CTNNA3: variants seen among roughly 807,000 people sequenced by gnomAD.
CTNNA3 encodes the protein catenin alpha-3.
CTNNA3 carries 76 observed loss-of-function variants against 95.7 expected under a neutral mutation model. The observed-to-expected ratio is 0.79, with a 90% CI of 0.66 to 0.96. CTNNA3 has a LOEUF of 0.96. CTNNA3 is among the 40% of genes least tolerant of loss of function. CTNNA3 has a pLI of 0.00. For missense variants in CTNNA3, 1,191 were observed against 1,089.8 expected, an observed-to-expected ratio of 1.09 and a Z score of -1.31; for synonymous variants, 431 against 374.4, an observed-to-expected ratio of 1.15 and a Z score of -1.74.
chr10:66,534,677 A>AAT (rs1056908712), intron 10 of CTNNA3, among the ~76,000 whole-genome samples: 3 of 149,978 alleles, frequency 2.0e-5, no homozygotes, highest in Non-Finnish European at 4.4e-5. Context: ...TCAAATTGGT[A>AAT]ATATATAAAA....
In CTNNA3 at chr10:67,678,186, G is replaced by A. The variant is rs527874294; in HGVS notation, c.-6+17814C>T. ...GAAGACACTTTCTTAAAGATGTAAGGGAAAATTATCACCAAGACAAAAGAA... is the reference window on the plus strand; with the variant it reads ...GAAGACACTTTCTTAAAGATGTAAGAGAAAATTATCACCAAGACAAAAGAA... On this transcript the variant is annotated intron_variant, in intron 1 of 17. Coordinates refer to ENST00000433211, the MANE Select transcript of CTNNA3 (RefSeq NM_013266.4). 1.6e-4 allele frequency among the ~76,000 whole-genome samples: 25 copies of A among 152,032 alleles called. 1 individual carries two copies. The highest frequency in any genetic ancestry group is 3.7e-4 in the Non-Finnish European group (25 of 67,952).
chr10:66,096,016 G>A (rs996883557), intron 14 of CTNNA3, among the ~76,000 whole-genome samples: 4 of 152,092 alleles, frequency 2.6e-5, no homozygotes, highest in East Asian at 1.9e-4. Context: ...GACAAATAAT[G>A]TATCTTTAAA....
chr10:66,325,758 T>C (rs1300951317), intron 12 of CTNNA3, among the ~76,000 whole-genome samples: 1 of 150,622 alleles, frequency 6.6e-6, no homozygotes, highest in Non-Finnish European at 1.5e-5. Flanking sequence ...TTAGAAACAT[T>C]AAATCTAGGA....
intron 10 of CTNNA3, among the ~76,000 whole-genome samples, chr10:66,587,907 T>C (rs775687826): frequency 6.6e-6 from 1 of 152,160 alleles, no homozygotes; most frequent in Non-Finnish European, 1.5e-5. Context: ...CCCATGGCTA[T>C]AGCAAACTTA....
chr10:65,952,011 C>A (rs1350099802), intron 17 of CTNNA3, among the ~76,000 whole-genome samples: 1 of 123,442 alleles, frequency 8.1e-6, no homozygotes, highest in African/African-American at 3.3e-5. Context: ...GACCGGGCGA[C>A]AGAGCGAGGC....
chr10:66,816,072 C>A (rs1433453619), intron 7 of CTNNA3, among the ~76,000 whole-genome samples: 1 of 152,130 alleles, frequency 6.6e-6, no homozygotes, highest in Non-Finnish European at 1.5e-5. Context: ...GAAAATGAAT[C>A]TATAGAGGAG....
intron 9 of CTNNA3, among the ~76,000 whole-genome samples, chr10:66,709,430 A>T (rs1848220227): frequency 6.6e-6 from 1 of 152,116 alleles, no homozygotes; most frequent in South Asian, 2.1e-4. Context: ...AAATGGAAGC[A>T]TAAAGGTCGT....
At chr10:66,122,316 A>G (rs1397664828) in intron 13 of CTNNA3, among the ~76,000 whole-genome samples, 1 of 152,220 alleles carries the variant, frequency 6.6e-6, no homozygotes, top group Non-Finnish European at 1.5e-5. Context: ...GAAGAGAAAA[A>G]AAATTACTTA....
At chr10:66,409,808 G>A (rs1039285855) in intron 11 of CTNNA3, among the ~76,000 whole-genome samples, 9 of 152,142 alleles carry the variant, frequency 5.9e-5, no homozygotes, top group African/African-American at 1.9e-4. Flanking sequence ...CCAAGAACCT[G>A]ATTATATAGA....
chr10:67,152,585 A>T (rs1861133319), intron 7 of CTNNA3, among the ~76,000 whole-genome samples: 1 of 152,232 alleles, frequency 6.6e-6, no homozygotes, highest in African/African-American at 2.4e-5. Flanking sequence ...TTTCAAATGA[A>T]TAATAAATGG....
At chr10:67,261,479 A>C (rs1866603788) in intron 5 of CTNNA3, among the ~76,000 whole-genome samples, 2 of 152,178 alleles carry the variant, frequency 1.3e-5, no homozygotes, top group Non-Finnish European at 2.9e-5. Context: ...TTTTGCGATG[A>C]CTAACAAATT....
At chr10:67,347,627 T>C (rs1321105003) in intron 5 of CTNNA3, among the ~76,000 whole-genome samples, 1 of 152,152 alleles carries the variant, frequency 6.6e-6, no homozygotes, top group Non-Finnish European at 1.5e-5. Context: ...GGATGGATAG[T>C]AAAGTTGAGT....
chr10:66,962,027 C>T (rs116554394), intron 7 of CTNNA3, among the ~76,000 whole-genome samples: 2 of 152,282 alleles, frequency 1.3e-5, no homozygotes, highest in African/African-American at 2.4e-5. Flanking sequence ...ATTGCCACTA[C>T]TCTGGTTTAA....
intron 13 of CTNNA3, among the ~76,000 whole-genome samples, chr10:66,126,338 T>C (rs1018106613): frequency 7.2e-5 from 11 of 152,196 alleles, no homozygotes; most frequent in African/African-American, 2.7e-4. Context: ...AGTTTATAGA[T>C]GAACAAGGGA....
intron 7 of CTNNA3, among the ~76,000 whole-genome samples, chr10:66,778,566 C>A (rs1589245227): frequency 6.6e-6 from 1 of 152,054 alleles, no homozygotes; most frequent in African/African-American, 2.4e-5. Context: ...GAAAAGGGAC[C>A]ACTTACAGTG....
At chr10:67,571,932 C>T (rs939792292) in intron 3 of CTNNA3, among the ~76,000 whole-genome samples, 1 of 152,152 alleles carries the variant, frequency 6.6e-6, no homozygotes, top group African/African-American at 2.4e-5. Flanking sequence ...TGTGAATCAT[C>T]TTTTTCAACT....
chr10:67,534,923 C>G (rs1476110258), intron 4 of CTNNA3, among the ~76,000 whole-genome samples: 2 of 151,960 alleles, frequency 1.3e-5, no homozygotes, highest in Admixed American at 6.6e-5. Flanking sequence ...GCAAGAAGAA[C>G]CCAGCAACAA....
chr10:66,029,574 A>C (rs2079410755), intron 15 of CTNNA3, among the ~76,000 whole-genome samples: 1 of 152,190 alleles, frequency 6.6e-6, no homozygotes, highest in African/African-American at 2.4e-5. Context: ...ACAACCAGCA[A>C]GAATGGTCTT....
chr10:66,688,806 T>C (rs1847399639), intron 9 of CTNNA3, among the ~76,000 whole-genome samples: 1 of 145,334 alleles, frequency 6.9e-6, no homozygotes. Context: ...CCGTCTCTAC[T>C]AAAAAATACA....
Sources: gnomAD v4.1 joint callset for allele counts (sites outside exome capture counted in the v4.1 genomes callset) on GRCh38, gnomAD v4.1.1 for gene constraint, MANE v1.5 for transcripts, NCBI Gene and HGNC (gene_info 2026-07-23, HGNC 2026-07-21) for gene names.